PPP1R14C: variants seen among roughly 807,000 people sequenced by gnomAD.
PPP1R14C encodes the protein protein phosphatase 1 regulatory inhibitor subunit 14C, also known as protein phosphatase 1 regulatory subunit 14C.
Under a neutral mutation model 20.4 loss-of-function variants are expected in PPP1R14C, and 16 were observed. That is an observed-to-expected ratio of 0.78 (90% confidence interval 0.53 to 1.19). The LOEUF is 1.19. Among genes scored for constraint, PPP1R14C ranks in the 50% most tolerant of loss-of-function variants. PPP1R14C has a pLI of 0.00. For synonymous variants in PPP1R14C, 91 were observed against 91.0 expected, an observed-to-expected ratio of 1.00 and a Z score of 0.00; for missense variants, 211 against 220.1, an observed-to-expected ratio of 0.96 and a Z score of 0.26.
At chr6:150,226,063 C>T (rs548518365) in intron 3 of PPP1R14C, among the ~76,000 whole-genome samples, 2 of 152,098 alleles carry the variant, frequency 1.3e-5, no homozygotes, top group African/African-American at 4.8e-5. Context: ...AGGGAAAGGA[C>T]TTGTGTGCCC....
intron 1 of PPP1R14C, among the ~76,000 whole-genome samples, chr6:150,160,180 G>C (rs1777348825): frequency 1.3e-5 from 2 of 151,640 alleles, no homozygotes; most frequent in African/African-American, 2.4e-5. Context: ...TGTCTGTCAG[G>C]CTTCTCCACT....
At chr6:150,149,455 CTTTTTTTTTTTTTT>C (rs869244401) in intron 1 of PPP1R14C, among the ~76,000 whole-genome samples, 2 of 35,490 alleles carry the variant, frequency 5.6e-5, no homozygotes, top group East Asian at 4.9e-3. Context: ...TTTTTTTTTT[CTTTTTTTTTTTTTT>C]TTTTTTTTTG....
In PPP1R14C at chr6:150,197,895, A is replaced by G. The variant is rs9322251; in HGVS notation, c.307-16849A>G. On this transcript the variant is annotated intron_variant, in intron 1 of 3. Coordinates refer to ENST00000361131, the MANE Select transcript of PPP1R14C (RefSeq NM_030949.3). ...ACAGTGGAGGAGGGCCTGGATGCCC[A>G]GCTTTGTGTGCCCCTGCCTGCCACG... Among the ~76,000 whole-genome samples, 500 of 54,134 alleles carry G rather than the reference A, an allele frequency of 9.2e-3. 8 individuals are homozygous for G. The highest frequency in any genetic ancestry group is 0.014 in the African/African-American group (134 of 9,790). 35.5% of individuals were successfully genotyped at this position (54,134 alleles called of 152,430 possible). A position where few individuals can be genotyped will look rare whatever the true frequency, so the allele number is the denominator to read the frequency against.
intron 3 of PPP1R14C, among the ~76,000 whole-genome samples, chr6:150,248,345 G>A (rs1430827489): frequency 2.0e-5 from 3 of 152,100 alleles, no homozygotes; most frequent in East Asian, 3.8e-4. Flanking sequence ...ACTAACACTG[G>A]CATCACCTGT....
At chr6:150,224,681 C>T (rs1051179460) in intron 3 of PPP1R14C, among the ~76,000 whole-genome samples, 9 of 152,178 alleles carry the variant, frequency 5.9e-5, no homozygotes, top group Non-Finnish European at 1.3e-4. Context: ...CTTTATCTAT[C>T]GGAGCCCTTA....
At chr6:150,215,458 T>C (rs1192555121) in intron 2 of PPP1R14C, among the ~76,000 whole-genome samples, 1 of 152,212 alleles carries the variant, frequency 6.6e-6, no homozygotes, top group African/African-American at 2.4e-5. Context: ...CCAATTAACT[T>C]TTGACTTGCC....
At chr6:150,222,622 C>T (rs189610707) in intron 3 of PPP1R14C, among the ~76,000 whole-genome samples, 5 of 152,292 alleles carry the variant, frequency 3.3e-5, no homozygotes, top group Admixed American at 6.5e-5. Context: ...TCCTTCCCCA[C>T]TCACCCCTGG....
chr6:150,191,582 T>G (rs1339360406), intron 1 of PPP1R14C, among the ~76,000 whole-genome samples: 1 of 152,228 alleles, frequency 6.6e-6, no homozygotes, highest in African/African-American at 2.4e-5. Flanking sequence ...TTAAGCACCA[T>G]AGATCCTTGA....
intron 1 of PPP1R14C, among the ~76,000 whole-genome samples, chr6:150,168,703 C>T (rs1777465220): frequency 6.6e-6 from 1 of 152,044 alleles, no homozygotes; most frequent in African/African-American, 2.4e-5. Flanking sequence ...TGGAAGTAAC[C>T]TTAAGAGCGT....
intron 3 of PPP1R14C, among the ~76,000 whole-genome samples, chr6:150,226,222 G>A (rs926493350): frequency 1.3e-5 from 2 of 152,210 alleles, no homozygotes; most frequent in South Asian, 4.1e-4. Context: ...GTATGAGTGA[G>A]TGATTAGTAA....
intron 1 of PPP1R14C, among the ~76,000 whole-genome samples, chr6:150,187,935 T>C (rs1777696647): frequency 6.6e-6 from 1 of 152,244 alleles, no homozygotes; most frequent in African/African-American, 2.4e-5. Context: ...TTCACAATAT[T>C]TGTTTTAATC....
chr6:150,188,187 C>G (rs995004088), intron 1 of PPP1R14C, among the ~76,000 whole-genome samples: 1 of 152,168 alleles, frequency 6.6e-6, no homozygotes, highest in Non-Finnish European at 1.5e-5. Flanking sequence ...GTGCTTAAAA[C>G]ATTAAGGATC....
chr6:150,248,919 A>AC lies in PPP1R14C; in HGVS notation c.*100dup. The stretch of plus-strand genomic sequence containing the variant: ...GAAAGAATAGGTGTCCTTATGAACA[A>AC]CGTTTTTGTTTTTTTTTTTTTCTTT... On this transcript the variant is annotated 3_prime_UTR_variant, in exon 4 of 4. Coordinates refer to ENST00000361131, the MANE Select transcript of PPP1R14C (RefSeq NM_030949.3). 1 of 647,086 alleles carries AC rather than the reference A, an allele frequency of 1.5e-6. No individual in the cohort carries two copies. The highest frequency in any genetic ancestry group is 2.5e-6 in the Non-Finnish European group (1 of 397,308). The allele number at this position is 647,086 out of a possible 1,614,324, so 40.1% of individuals were successfully genotyped here. A position where few individuals can be genotyped will look rare whatever the true frequency, so the allele number is the denominator to read the frequency against.
intron 1 of PPP1R14C, among the ~76,000 whole-genome samples, chr6:150,197,453 A>T (rs1183540220): frequency 1.3e-5 from 2 of 152,228 alleles, no homozygotes; most frequent in Non-Finnish European, 2.9e-5. Flanking sequence ...GTTTGAGTTG[A>T]ACTGAATATT....
At chr6:150,226,917 G>C (rs1778237086) in intron 3 of PPP1R14C, among the ~76,000 whole-genome samples, 1 of 152,134 alleles carries the variant, frequency 6.6e-6, no homozygotes, top group African/African-American at 2.4e-5. Flanking sequence ...TGTGTGATCT[G>C]GTTTGTGAGT....
At chr6:150,146,584 C>A (rs1022513344) in intron 1 of PPP1R14C, among the ~76,000 whole-genome samples, 1 of 152,154 alleles carries the variant, frequency 6.6e-6, no homozygotes, top group Non-Finnish European at 1.5e-5. Context: ...TTGGTACAGT[C>A]CCACCTGGTA....
chr6:150,161,047 A>C (rs1777361268), intron 1 of PPP1R14C, among the ~76,000 whole-genome samples: 1 of 152,168 alleles, frequency 6.6e-6, no homozygotes, highest in South Asian at 2.1e-4. Context: ...TGGGATGCCA[A>C]GGAGGGCAGA....
At chr6:150,219,321 C>A (rs1038350401) in intron 3 of PPP1R14C, among the ~76,000 whole-genome samples, 1 of 151,874 alleles carries the variant, frequency 6.6e-6, no homozygotes, top group African/African-American at 2.4e-5. Flanking sequence ...CTCTGCCCCC[C>A]AGGTTCAAGT....
At chr6:150,162,481 CA>C (rs1198902756) in intron 1 of PPP1R14C, among the ~76,000 whole-genome samples, 3 of 152,186 alleles carry the variant, frequency 2.0e-5, no homozygotes, top group Non-Finnish European at 2.9e-5. Context: ...TTTCACTACA[CA>C]ATATACATTT....
Sources: allele counts gnomAD v4.1 joint callset (sites outside exome capture counted in the v4.1 genomes callset), GRCh38; gene constraint gnomAD v4.1.1; transcripts MANE v1.5; gene names NCBI Gene and HGNC (gene_info 2026-07-23, HGNC 2026-07-21).